Variants in TNFRSF1B observed in about 807,000 individuals in gnomAD.
TNFRSF1B encodes the protein TNF receptor superfamily member 1B, also known as tumor necrosis factor receptor superfamily member 1B.
A neutral mutation model predicts 44.6 loss-of-function variants in TNFRSF1B; 19 were observed. The observed-to-expected ratio is 0.43, with a 90% CI of 0.30 to 0.62. The LOEUF (loss-of-function observed/expected upper bound fraction) is 0.62. TNFRSF1B is among the 20% of genes least tolerant of loss of function. TNFRSF1B has a pLI of 0.16. For synonymous variants in TNFRSF1B, 252 were observed against 261.1 expected (o/e 0.97, Z 0.34); for missense variants, 541 against 619.9 (o/e 0.87, Z 1.35).
chr1:12,207,126 G>C lies in TNFRSF1B; in HGVS notation c.*106G>C. The C allele has an allele frequency of 7.8e-7, 1 of 1,279,112 alleles. No homozygotes were observed. Among genetic ancestry groups the C allele is most frequent in the Non-Finnish European group, 1.0e-6 (1 of 960,126 alleles). The allele number at this position is 1,279,112 out of a possible 1,614,324, so 79.2% of individuals were successfully genotyped here. On this transcript the variant is annotated 3_prime_UTR_variant, in exon 10 of 10. Transcript: ENST00000376259. Reference sequence around the variant, plus strand: ...CAGGCCCCCACCACTAGGACTCTGAGGCTCTTTCTGGGCCAAGTTCCTCTA... The same window carrying C: ...CAGGCCCCCACCACTAGGACTCTGACGCTCTTTCTGGGCCAAGTTCCTCTA...
intron 1 of TNFRSF1B, among the ~76,000 whole-genome samples, chr1:12,175,114 G>A (rs5745967): frequency 0.017 from 2,595 of 152,308 alleles, 46 homozygotes; most frequent in South Asian, 0.028. Flanking sequence ...GGACAGGGAG[G>A]GGGGAGGACA....
chr1:12,191,662 G>C (rs1031662897), intron 3 of TNFRSF1B, 112 bp from the exon 4 acceptor site: 1 of 1,394,428 alleles, frequency 7.2e-7, no homozygotes, highest in East Asian at 2.4e-5. Context: ...ATGCTGAGGC[G>C]GTCCGCCAGC....
Position 12,207,153 on chromosome 1 carries a change from T to A in TNFRSF1B, c.*133T>A. 2.1e-6 allele frequency: 2 copies of A among 974,646 alleles called. No individual in the cohort carries two copies. The highest frequency in any genetic ancestry group is 2.9e-6 in the Non-Finnish European group (2 of 697,740). 60.4% of individuals were successfully genotyped at this position (974,646 alleles called of 1,614,324 possible). A position where few individuals can be genotyped will look rare whatever the true frequency, so the allele number is the denominator to read the frequency against. Reference sequence around the variant, plus strand: ...CTCTTTCTGGGCCAAGTTCCTCTAGTGCCCTCCACAGCCGCAGCCTCCCTC... The same window carrying A: ...CTCTTTCTGGGCCAAGTTCCTCTAGAGCCCTCCACAGCCGCAGCCTCCCTC... On this transcript the variant is annotated 3_prime_UTR_variant, in exon 10 of 10. Transcript: ENST00000376259.
At chr1:12,188,504 A>G (rs1639036425) in intron 1 of TNFRSF1B, among the ~76,000 whole-genome samples, 1 of 152,194 alleles carries the variant, frequency 6.6e-6, no homozygotes, top group African/African-American at 2.4e-5. Context: ...TCTTCTGGAT[A>G]TCTGTCCCAT....
At chr1:12,201,095 A>C (rs1381748869) in intron 8 of TNFRSF1B, among the ~76,000 whole-genome samples, 1 of 151,982 alleles carries the variant, frequency 6.6e-6, no homozygotes, top group African/African-American at 2.4e-5. Flanking sequence ...TCTACAAACA[A>C]TCGACAACAA....
intron 9 of TNFRSF1B, among the ~76,000 whole-genome samples, chr1:12,206,423 ACTC>A (rs1478391088): frequency 1.3e-5 from 2 of 150,754 alleles, no homozygotes; most frequent in Non-Finnish European, 3.0e-5. Context: ...CTGGTCTTGA[ACTC>A]CTGGGCTCAA....
chr1:12,189,715 CCTGT>C (rs1639069238), intron 2 of TNFRSF1B, among the ~76,000 whole-genome samples: 2 of 152,156 alleles, frequency 1.3e-5, no homozygotes, highest in African/African-American at 4.8e-5. Context: ...GATGTGTGGT[CCTGT>C]CTATCTGTAA....
At chr1:12,173,760 T>A (rs773655497) in intron 1 of TNFRSF1B, among the ~76,000 whole-genome samples, 2 of 152,158 alleles carry the variant, frequency 1.3e-5, no homozygotes, top group Non-Finnish European at 2.9e-5. Context: ...GCCTAGGGCT[T>A]TGGGCCTTGA....
At chr1:12,183,753 CTAGCTAGCTAG>C (rs1557629287) in intron 1 of TNFRSF1B, among the ~76,000 whole-genome samples, 10,384 of 120,468 alleles carry the variant, frequency 0.086, 677 homozygotes, top group Non-Finnish European at 0.12. Flanking sequence ...ATCTATCTAG[CTAGCTAGCTAG>C]CTAGCTATCT....
At chr1:12,174,233 C>T (rs1042178131) in intron 1 of TNFRSF1B, among the ~76,000 whole-genome samples, 1 of 143,956 alleles carries the variant, frequency 6.9e-6, no homozygotes, top group African/African-American at 2.8e-5. Flanking sequence ...TCTCCTTCTC[C>T]TTCTCCTTCT....
intron 1 of TNFRSF1B, among the ~76,000 whole-genome samples, chr1:12,173,796 G>C (rs145113626): frequency 4.0e-4 from 61 of 152,334 alleles, no homozygotes; most frequent in African/African-American, 1.4e-3. Flanking sequence ...AGCTGACTGC[G>C]GGGCTGGGGC....
At chr1:12,167,940 C>A (rs961637033) in intron 1 of TNFRSF1B, among the ~76,000 whole-genome samples, 1 of 152,200 alleles carries the variant, frequency 6.6e-6, no homozygotes, top group Non-Finnish European at 1.5e-5. Flanking sequence ...ACAGTAGCAA[C>A]GGGCGTACAA....
chr1:12,174,250 C>G (rs563802363), intron 1 of TNFRSF1B, among the ~76,000 whole-genome samples: 1 of 142,420 alleles, frequency 7.0e-6, no homozygotes, highest in Non-Finnish European at 1.5e-5. Context: ...TTCTCCTTCT[C>G]CTTCTCCTTC....
intron 9 of TNFRSF1B, 50 bp from the exon 10 acceptor site, chr1:12,206,690 C>T (rs762477735): frequency 6.7e-7 from 1 of 1,502,262 alleles, no homozygotes; most frequent in Admixed American, 2.1e-5. Context: ...GTCCCTGGGC[C>T]CCACTCCTGG....
chr1:12,168,960 C>T lies in TNFRSF1B; in HGVS notation c.78+1791C>T, dbSNP rs142123508. 1.5e-3 allele frequency among the ~76,000 whole-genome samples: 231 copies of T among 151,640 alleles called. 1 individual carries two copies. Among genetic ancestry groups the T allele is most frequent in the African/African-American group, 5.5e-3 (224 of 40,934 alleles). On this transcript the variant is annotated intron_variant, in intron 1 of 9. Coordinates refer to ENST00000376259, the MANE Select transcript of TNFRSF1B (RefSeq NM_001066.3). This position sits in a 1 kb window ranked among gnomAD's most constrained non-coding sequence, Gnocchi z 4.7. ...GGTACCTGAACTCTTCCTCGCGCCT[C>T]CCTGCACATGTGCTCCCCCGCCTCT...
At chr1:12,183,707 T>TATCTAG (rs1557628963) in intron 1 of TNFRSF1B, among the ~76,000 whole-genome samples, 3 of 106,918 alleles carry the variant, frequency 2.8e-5, no homozygotes, top group African/African-American at 6.1e-5. Flanking sequence ...TATCTATCTA[T>TATCTAG]CTATTCTATC....
At position 12,171,150 on chromosome 1, in the gene TNFRSF1B, G is replaced by A. The variant is rs1035204159; in HGVS notation, c.78+3981G>A. The stretch of plus-strand genomic sequence containing the variant: ...CCCAAGTAGCTGGGATTACAGGTGT[G>A]TGCCACCATGCCCGGCTAATTTTTC... On this transcript the variant is annotated intron_variant, in intron 1 of 9. Transcript: ENST00000376259. This position sits in a 1 kb window ranked among gnomAD's most constrained non-coding sequence, Gnocchi z 4.5. 1.3e-5 allele frequency among the ~76,000 whole-genome samples: 2 copies of A among 150,652 alleles called. No individual in the cohort carries two copies. The highest frequency in any genetic ancestry group is 2.4e-5 in the African/African-American group (1 of 40,904).
chr1:12,191,855 A>G lies in TNFRSF1B; in HGVS notation c.389A>G (p.Lys130Arg). Reference protein sequence around the residue: ...CRPGWYCALSKQEGCRLCAPL... With the variant: ...CRPGWYCALSRQEGCRLCAPL... ...CCCGGCTGGTACTGCGCGCTGAGCAAGCAGGAGGGGTGCCGGCTGTGCGCG... is the reference window on the plus strand; with the variant it reads ...CCCGGCTGGTACTGCGCGCTGAGCAGGCAGGAGGGGTGCCGGCTGTGCGCG... Residue 130 changes from lysine to arginine, a missense_variant, in exon 4 of 10, where the codon AAG becomes AGG. Physicochemically the swap from Lys to Arg is conservative, Grantham distance 26. Coordinates refer to ENST00000376259, the MANE Select transcript of TNFRSF1B (RefSeq NM_001066.3). 1 of 1,612,618 alleles carries G rather than the reference A, an allele frequency of 6.2e-7. No homozygotes were observed. The highest frequency in any genetic ancestry group is 8.5e-7 in the Non-Finnish European group (1 of 1,179,732).
intron 2 of TNFRSF1B, among the ~76,000 whole-genome samples, chr1:12,189,257 A>C (rs983650637): frequency 6.6e-6 from 1 of 152,156 alleles, no homozygotes; most frequent in Admixed American, 6.5e-5. Flanking sequence ...TCAGCTTGAA[A>C]GACAAGTGCT....
Sources: gnomAD v4.1 joint callset for allele counts (sites outside exome capture counted in the v4.1 genomes callset) on GRCh38, gnomAD v4.1.1 for gene constraint, Gnocchi (gnomAD v3.1) non-coding constraint, MANE v1.5 for transcripts, NCBI Gene and HGNC (gene_info 2026-07-23, HGNC 2026-07-21) for gene names.